The following FANCC variants were observed in gnomAD, a reference collection of about 807,000 sequenced individuals.
FANCC encodes the protein Fanconi anemia group C protein.
In FANCC, 55 loss-of-function variants were observed where a neutral mutation model predicts 71.3. That is an observed-to-expected ratio of 0.77 (90% CI 0.62 to 0.97). FANCC has a LOEUF of 0.97. FANCC is among the 50% of genes least tolerant of loss of function. FANCC has a pLI of 0.00. For synonymous variants in FANCC, 275 were observed against 244.9 expected, an observed-to-expected ratio of 1.12 and a Z score of -1.15; for missense variants, 678 against 670.9, an observed-to-expected ratio of 1.01 and a Z score of -0.12.
chr9:95,179,214 G>GAGGT (rs1301617070), intron 4 of FANCC, among the ~76,000 whole-genome samples: 3 of 152,182 alleles, frequency 2.0e-5, no homozygotes, highest in Non-Finnish European at 4.4e-5. Context: ...AGATAAAAGA[G>GAGGT]ACCTTGTAGT....
intron 4 of FANCC, among the ~76,000 whole-genome samples, chr9:95,186,819 TCTCA>T (rs1826756387): frequency 7.3e-6 from 1 of 137,376 alleles, no homozygotes; most frequent in South Asian, 2.3e-4. Flanking sequence ...TGAGAAAGAG[TCTCA>T]CTCTGTGGCC....
chr9:95,283,809 C>T (rs1833511643), intron 1 of FANCC, among the ~76,000 whole-genome samples: 1 of 152,242 alleles, frequency 6.6e-6, no homozygotes, highest in South Asian at 2.1e-4. Flanking sequence ...TCTTTCTTTT[C>T]ATCTAATAAA....
chr9:95,223,038 C>T (rs1166393527), intron 4 of FANCC, among the ~76,000 whole-genome samples: 2 of 152,192 alleles, frequency 1.3e-5, no homozygotes, highest in African/African-American at 4.8e-5. Context: ...AACATCTTCA[C>T]ATATAAAGAT....
At chr9:95,179,201 T>C (rs2135651876) in intron 4 of FANCC, among the ~76,000 whole-genome samples, 1 of 152,346 alleles carries the variant, frequency 6.6e-6, no homozygotes, top group South Asian at 2.1e-4. Context: ...TTTTATTTAC[T>C]TTAGATAAAA....
chr9:95,300,305 G>A (rs1285669562), intron 1 of FANCC, among the ~76,000 whole-genome samples: 1 of 151,646 alleles, frequency 6.6e-6, no homozygotes, highest in East Asian at 1.9e-4. Flanking sequence ...ATATGGAGGA[G>A]AAAATAAGAA....
intron 1 of FANCC, among the ~76,000 whole-genome samples, chr9:95,300,029 C>A (rs906001068): frequency 3.3e-5 from 5 of 152,172 alleles, no homozygotes; most frequent in Non-Finnish European, 5.9e-5. Flanking sequence ...TCAGTCATTT[C>A]TTTGTAAGGG....
Position 95,101,593 on chromosome 9 carries a change from A to C in FANCC, c.*114T>G. ...CCCAAGATGTGTACAGCTCATTCTCACAGCCCAGCGAGGGCACTTACTCCA... is the reference window on the plus strand; with the variant it reads ...CCCAAGATGTGTACAGCTCATTCTCCCAGCCCAGCGAGGGCACTTACTCCA... On this transcript the variant is annotated 3_prime_UTR_variant, in exon 15 of 15. Coordinates refer to ENST00000289081, the MANE Select transcript of FANCC (RefSeq NM_000136.3). 7.7e-7 allele frequency: 1 copy of C among 1,301,326 alleles called. No individual in the cohort carries two copies. The highest frequency in any genetic ancestry group is 1.1e-6 in the Non-Finnish European group (1 of 923,408). The allele number at this position is 1,301,326 out of a possible 1,614,324, so 80.6% of individuals were successfully genotyped here. A position where few individuals can be genotyped will look rare whatever the true frequency, so the allele number is the denominator to read the frequency against.
intron 10 of FANCC, among the ~76,000 whole-genome samples, chr9:95,120,803 A>G (rs1178365166): frequency 6.6e-6 from 1 of 152,162 alleles, no homozygotes; most frequent in Non-Finnish European, 1.5e-5. Flanking sequence ...TAATTGCTGA[A>G]ATTAATGTCA....
chr9:95,249,457 C>A (rs1430726918), intron 1 of FANCC, 88 bp from the exon 2 acceptor site: 2 of 673,416 alleles, frequency 3.0e-6, no homozygotes, highest in African/African-American at 1.8e-5. Context: ...GGAGGGATTA[C>A]AAAGAACTAA....
chr9:95,172,316 T>C (rs1825739771), intron 4 of FANCC, among the ~76,000 whole-genome samples, 169 bp from the exon 5 acceptor site: 1 of 152,200 alleles, frequency 6.6e-6, no homozygotes, highest in African/African-American at 2.4e-5. Flanking sequence ...AGAGAAATGT[T>C]AGCATTAAAG....
chr9:95,119,169 T>C (rs1310679030), intron 10 of FANCC, among the ~76,000 whole-genome samples: 1 of 152,236 alleles, frequency 6.6e-6, no homozygotes, highest in African/African-American at 2.4e-5. Context: ...ACAGTTTTCA[T>C]GTGCTTACTG....
At chr9:95,225,919 G>A (rs1346383738) in intron 4 of FANCC, among the ~76,000 whole-genome samples, 1 of 152,108 alleles carries the variant, frequency 6.6e-6, no homozygotes, top group Non-Finnish European at 1.5e-5. Flanking sequence ...CACAAAACAT[G>A]CACATATAGA....
chr9:95,225,849 T>C (rs957210094), intron 4 of FANCC, among the ~76,000 whole-genome samples: 4 of 152,184 alleles, frequency 2.6e-5, no homozygotes, highest in Admixed American at 1.3e-4. Flanking sequence ...ATTTTCATAA[T>C]GGGAAGTTTA....
chr9:95,140,518 A>G (rs1266130417), intron 7 of FANCC, among the ~76,000 whole-genome samples: 1 of 152,208 alleles, frequency 6.6e-6, no homozygotes, highest in Non-Finnish European at 1.5e-5. Flanking sequence ...GCAGAATTAA[A>G]TTCTTCACAA....
intron 10 of FANCC, among the ~76,000 whole-genome samples, chr9:95,119,857 G>A (rs939208952): frequency 3.3e-5 from 5 of 152,144 alleles, no homozygotes; most frequent in African/African-American, 1.2e-4. Context: ...GACAACAGGT[G>A]TGTGCCACCA....
At chr9:95,311,303 A>C (rs1045440025) in intron 1 of FANCC, among the ~76,000 whole-genome samples, 2 of 152,162 alleles carry the variant, frequency 1.3e-5, no homozygotes, top group African/African-American at 4.8e-5. Context: ...TGAATGTACA[A>C]GCATAATTAC....
chr9:95,252,971 T>C (rs1398091189), intron 1 of FANCC, among the ~76,000 whole-genome samples: 1 of 151,130 alleles, frequency 6.6e-6, no homozygotes, highest in Non-Finnish European at 1.5e-5. Context: ...AGCAGGAGGA[T>C]CGCTTGGACC....
intron 1 of FANCC, among the ~76,000 whole-genome samples, chr9:95,277,685 T>C (rs1410411418): frequency 2.0e-5 from 3 of 152,038 alleles, no homozygotes; most frequent in Non-Finnish European, 2.9e-5. Context: ...AAATAGCCCA[T>C]TACTTACAAG....
intron 10 of FANCC, among the ~76,000 whole-genome samples, chr9:95,122,136 G>A (rs780053612): frequency 2.6e-5 from 4 of 152,172 alleles, no homozygotes; most frequent in African/African-American, 7.2e-5. Flanking sequence ...GGGATTACAG[G>A]TGTGAGCCAC....
Sources: gnomAD v4.1 joint callset for allele counts (sites outside exome capture counted in the v4.1 genomes callset) on GRCh38, gnomAD v4.1.1 for gene constraint, MANE v1.5 for transcripts, NCBI Gene and HGNC (gene_info 2026-07-23, HGNC 2026-07-21) for gene names.